The following LAMA3 variants were observed in gnomAD, a reference collection of about 807,000 sequenced individuals.
The protein encoded by LAMA3 is laminin subunit alpha-3.
A neutral mutation model predicts 402.0 loss-of-function variants in LAMA3; 281 were observed. That is an observed-to-expected ratio of 0.70 (90% CI 0.63 to 0.77). LAMA3 has a LOEUF of 0.77. Ranked by LOEUF, LAMA3 falls within the 30% of genes least tolerant of loss-of-function variation. The pLI, the probability that LAMA3 is intolerant of heterozygous loss-of-function variation, is 0.00. For synonymous variants in LAMA3, 1,431 were observed against 1,558.4 expected (o/e 0.92, Z 1.93); for missense variants, 3,840 against 4,215.5 (o/e 0.91, Z 2.47).
intron 12 of LAMA3, among the ~76,000 whole-genome samples, chr18:23,806,568 C>G (rs1423651459): frequency 6.6e-6 from 1 of 152,154 alleles, no homozygotes; most frequent in African/African-American, 2.4e-5. Flanking sequence ...GTTGCTTCTT[C>G]TGACAAAGAA....
intron 32 of LAMA3, among the ~76,000 whole-genome samples, chr18:23,848,329 T>C (rs2063868230): frequency 6.6e-6 from 1 of 150,718 alleles, no homozygotes; most frequent in African/African-American, 2.4e-5. Context: ...ATGCAGATGC[T>C]GCATTGCTGA....
rs181940869 is a variant in LAMA3, at chr18:23,857,092, A to G, written c.4137-752A>G. On this transcript the variant is annotated intron_variant, in intron 32 of 74. Transcript: ENST00000313654. ...TGCCTCATGGGTTCCCAGCAATCCC[A>G]GGAGGCAGCAGCTACCGTGTTCTGT... is the stretch of plus-strand genomic sequence containing the variant. Among the ~76,000 whole-genome samples the G allele has an allele frequency of 2.3e-3, 355 of 152,312 alleles. 3 individuals carry two copies. Among genetic ancestry groups the G allele is most frequent in the African/African-American group, 7.9e-3 (330 of 41,566 alleles).
intron 11 of LAMA3, chr18:23,781,188 C>G (rs1352636316): frequency 4.9e-6 from 2 of 406,852 alleles, no homozygotes; most frequent in Non-Finnish European, 1.0e-5. Flanking sequence ...TCGTTTAACG[C>G]CAAGACTGTA....
intron 23 of LAMA3, among the ~76,000 whole-genome samples, chr18:23,832,081 C>G (rs1333972820): frequency 6.6e-6 from 1 of 152,192 alleles, no homozygotes; most frequent in East Asian, 1.9e-4. Context: ...AGTCTTCCAA[C>G]AGGTAATCCA....
At chr18:23,770,509 C>A (rs1005973908) in intron 8 of LAMA3, among the ~76,000 whole-genome samples, 3 of 152,192 alleles carry the variant, frequency 2.0e-5, no homozygotes, top group Non-Finnish European at 4.4e-5. Flanking sequence ...CGCCTGTAAT[C>A]CCAGCACTTT....
At position 23,815,464 on chromosome 18, in the gene LAMA3, G is replaced by T. The variant is rs2063157371; in HGVS notation, c.1942-4G>T. 2 of 1,609,040 alleles carry T rather than the reference G, an allele frequency of 1.2e-6. No individual in the cohort carries two copies. Among genetic ancestry groups the T allele is most frequent in the Non-Finnish European group, 1.7e-6 (2 of 1,175,424 alleles). On this transcript the variant is annotated splice_region_variant and splice_polypyrimidine_tract_variant and intron_variant, in intron 16 of 74. Coordinates refer to ENST00000313654, the MANE Select transcript of LAMA3 (RefSeq NM_198129.4). ...ATGTTGTCATCTGGCTCACTGTTCT[G>T]CAGGGAGATGGTGACTGTCACTGCA...
intron 62 of LAMA3, among the ~76,000 whole-genome samples, 179 bp from the exon 63 acceptor site, chr18:23,927,944 A>G (rs1361973636): frequency 1.3e-5 from 2 of 152,192 alleles, no homozygotes; most frequent in Non-Finnish European, 2.9e-5. Context: ...CACAGAAAGG[A>G]AGTCAGTTCT....
Position 23,864,676 on chromosome 18 carries a change from G to A in LAMA3, c.4585-109G>A, listed in dbSNP as rs61506028. 3,328 of 744,320 alleles carry A rather than the reference G, an allele frequency of 4.5e-3. 78 individuals carry two copies. The African/African-American group carries it at 0.051, about 11-fold the overall frequency. The allele number at this position is 744,320 out of a possible 1,614,324, so 46.1% of individuals were successfully genotyped here. A position where few individuals can be genotyped will look rare whatever the true frequency, so the allele number is the denominator to read the frequency against. ...TAGATACAACCCTTGTTACCAGGTC[G>A]AGTGTGTTTCTTTCCACACCTTGTG... is the stretch of plus-strand genomic sequence containing the variant. On this transcript the variant is annotated intron_variant, in intron 35 of 74. Transcript: ENST00000313654.
chr18:23,940,487 C>A (rs1007725098), intron 68 of LAMA3, among the ~76,000 whole-genome samples: 1 of 152,208 alleles, frequency 6.6e-6, no homozygotes, highest in African/African-American at 2.4e-5. Flanking sequence ...CTTCTCTAAG[C>A]CTAAGCTGTC....
rs2061523612 is a variant in LAMA3 at position 23,739,159 on chromosome 18, G to C, written c.448-8784G>C. Among the ~76,000 whole-genome samples, 4 of 152,168 alleles carry C rather than the reference G, an allele frequency of 2.6e-5. No homozygotes were observed. The South Asian group carries it at 8.3e-4, about 31-fold the overall frequency. ...AGGTTGGTGCCTCTGCAGATGCACA[G>C]CCTCTTACCTTATTTGGGCTTGTCA... On this transcript the variant is annotated intron_variant, in intron 2 of 74. Transcript: ENST00000313654.
intron 39 of LAMA3, among the ~76,000 whole-genome samples, chr18:23,876,762 A>T (rs2064732287): frequency 6.6e-6 from 1 of 152,178 alleles, no homozygotes; most frequent in South Asian, 2.1e-4. Context: ...GGGCGGCAGG[A>T]AGTTACAGGA....
In LAMA3 at chr18:23,847,985, T is replaced by C. The variant is rs1349921824; in HGVS notation, c.4136+317T>C. Reference sequence around the variant, plus strand: ...TGAGGCAGAAGTGGGAGAAGAATGATACATGCATAATGAAGGTATCTGTGT... The same window carrying C: ...TGAGGCAGAAGTGGGAGAAGAATGACACATGCATAATGAAGGTATCTGTGT... On this transcript the variant is annotated intron_variant, in intron 32 of 74. Coordinates refer to ENST00000313654, the MANE Select transcript of LAMA3 (RefSeq NM_198129.4). 2.0e-5 allele frequency among the ~76,000 whole-genome samples: 3 copies of C among 152,258 alleles called. No individual in the cohort carries two copies. The East Asian group carries it at 5.8e-4, about 29-fold the overall frequency.
In LAMA3 at chr18:23,953,320, ATTTTGTTTTTTTT is replaced by A. The variant is rs1356019417; in HGVS notation, c.9856+228_9856+240del. Among the ~76,000 whole-genome samples, 1,077 of 109,004 alleles carry A rather than the reference ATTTTGTTTTTTTT, an allele frequency of 9.9e-3. 4 individuals are homozygous for A. Among genetic ancestry groups the A allele is most frequent in the Non-Finnish European group, 0.014 (755 of 54,080 alleles). The allele number at this position is 109,004 out of a possible 152,430, so 71.5% of individuals were successfully genotyped here. A position where few individuals can be genotyped will look rare whatever the true frequency, so the allele number is the denominator to read the frequency against. On this transcript the variant is annotated intron_variant, in intron 74 of 74. Coordinates refer to ENST00000313654, the MANE Select transcript of LAMA3 (RefSeq NM_198129.4). The stretch of plus-strand genomic sequence containing the variant: ...TGTTGCCCCTTGCCCCAAGCCTGTA[ATTTTGTTTTTTTT>A]TTTTGTTTTTTTTTTTGTTTTTTTT...
Position 23,876,289 on chromosome 18 carries a change from A to G in LAMA3, c.4999-5A>G. ...TATTGATTAAACACTTTGTTTGAAA[A>G]ATAGGGTTGTAGCCCTGGATACTAT... On this transcript the variant is annotated splice_polypyrimidine_tract_variant and splice_region_variant and intron_variant, in intron 38 of 74. Coordinates refer to ENST00000313654, the MANE Select transcript of LAMA3 (RefSeq NM_198129.4). 1.3e-6 allele frequency: 2 copies of G among 1,599,466 alleles called. No individual in the cohort carries two copies. The highest frequency in any genetic ancestry group is 1.7e-6 in the Non-Finnish European group (2 of 1,166,536).
At chr18:23,901,851 G>C (rs1027144479) in intron 48 of LAMA3, among the ~76,000 whole-genome samples, 1 of 152,122 alleles carries the variant, frequency 6.6e-6, no homozygotes, top group African/African-American at 2.4e-5. Flanking sequence ...GCGCCACCAC[G>C]CCTGGCTAAT....
chr18:23,836,852 G>A (rs1230778977), intron 24 of LAMA3, 129 bp from the exon 25 acceptor site: 20 of 717,090 alleles, frequency 2.8e-5, no homozygotes, highest in Non-Finnish European at 4.8e-5. Flanking sequence ...TCATCATGCA[G>A]GAAAATTCAC....
At chr18:23,935,078 C>T (rs1168306073) in intron 67 of LAMA3, among the ~76,000 whole-genome samples, 2 of 152,166 alleles carry the variant, frequency 1.3e-5, no homozygotes, top group Non-Finnish European at 2.9e-5. Flanking sequence ...TATTGAGAGA[C>T]TAAATTAGCC....
intron 2 of LAMA3, among the ~76,000 whole-genome samples, chr18:23,726,750 G>C (rs773856029): frequency 6.6e-6 from 1 of 151,834 alleles, no homozygotes; most frequent in African/African-American, 2.4e-5. Context: ...CTCCAGTAGC[G>C]GGGATTACAG....
At chr18:23,868,209 T>C (rs1421500166) in intron 37 of LAMA3, among the ~76,000 whole-genome samples, 1 of 152,062 alleles carries the variant, frequency 6.6e-6, no homozygotes, top group Non-Finnish European at 1.5e-5. Context: ...ATGCAAATGT[T>C]CCAAAATAGA....
Sources: gnomAD v4.1 joint callset for allele counts (sites outside exome capture counted in the v4.1 genomes callset) on GRCh38, gnomAD v4.1.1 for gene constraint, MANE v1.5 for transcripts, NCBI Gene and HGNC (gene_info 2026-07-23, HGNC 2026-07-21) for gene names.